DNER: variants seen among roughly 807,000 people sequenced by gnomAD.
DNER encodes delta and Notch-like epidermal growth factor-related receptor.
DNER carries 33 observed loss-of-function variants against 78.2 expected under a neutral mutation model. The observed-to-expected ratio is 0.42, with a 90% confidence interval of 0.32 to 0.56. The LOEUF (loss-of-function observed/expected upper bound fraction) is 0.56. Ranked by LOEUF, DNER falls within the 20% of genes least tolerant of loss-of-function variation. The pLI is 0.11. For missense variants in DNER, 918 were observed against 975.3 expected, an observed-to-expected ratio of 0.94 and a Z score of 0.78; for synonymous variants, 417 against 384.8, an observed-to-expected ratio of 1.08 and a Z score of -0.98.
At chr2:229,651,096 T>C (rs1698808851) in intron 1 of DNER, among the ~76,000 whole-genome samples, 1 of 152,162 alleles carries the variant, frequency 6.6e-6, no homozygotes, top group Non-Finnish European at 1.5e-5. Context: ...AGTCAAGTGA[T>C]GAGAGGACAA....
chr2:229,702,916 C>CAAAAAAA (rs775005338), intron 1 of DNER, among the ~76,000 whole-genome samples: 3 of 103,910 alleles, frequency 2.9e-5, no homozygotes, highest in Non-Finnish European at 5.5e-5. Context: ...GACTCCGCCT[C>CAAAAAAA]AAAAAAAAAA....
intron 6 of DNER, among the ~76,000 whole-genome samples, chr2:229,477,539 C>T (rs1019854376): frequency 2.4e-4 from 36 of 152,166 alleles, no homozygotes; most frequent in African/African-American, 7.0e-4. Flanking sequence ...AAATATCAGT[C>T]GGAACTTTCA....
At chr2:229,544,865 T>G (rs1182499804) in intron 5 of DNER, among the ~76,000 whole-genome samples, 2 of 152,198 alleles carry the variant, frequency 1.3e-5, no homozygotes, top group African/African-American at 2.4e-5. Flanking sequence ...GCTGCAATAT[T>G]ACAGCTAACA....
intron 1 of DNER, among the ~76,000 whole-genome samples, chr2:229,609,098 C>T (rs1468725559): frequency 6.6e-6 from 1 of 152,092 alleles, no homozygotes; most frequent in Non-Finnish European, 1.5e-5. Flanking sequence ...TGGTGAGCAC[C>T]TGTAATCTCA....
intron 1 of DNER, among the ~76,000 whole-genome samples, chr2:229,668,822 A>G (rs1350333284): frequency 2.0e-5 from 3 of 151,730 alleles, no homozygotes; most frequent in African/African-American, 7.3e-5. Context: ...CGATTCCTCA[A>G]AGATCTAGAA....
chr2:229,451,711 C>T (rs1694460271), intron 7 of DNER, among the ~76,000 whole-genome samples: 1 of 152,162 alleles, frequency 6.6e-6, no homozygotes, highest in African/African-American at 2.4e-5. Flanking sequence ...TTACACGTCT[C>T]CTACACTGCA....
chr2:229,610,112 C>T (rs1698017836), intron 1 of DNER, among the ~76,000 whole-genome samples: 2 of 152,132 alleles, frequency 1.3e-5, no homozygotes, highest in South Asian at 2.1e-4. Context: ...TGCCCTGGTA[C>T]CATTTGTTTT....
intron 1 of DNER, among the ~76,000 whole-genome samples, chr2:229,660,993 C>A (rs142553209): frequency 6.4e-4 from 97 of 152,248 alleles, no homozygotes; most frequent in African/African-American, 2.3e-3. Flanking sequence ...ATGCTGCTGG[C>A]AAACCTAATT....
intron 10 of DNER, among the ~76,000 whole-genome samples, chr2:229,399,582 G>A (rs115183703): frequency 0.042 from 6,361 of 151,902 alleles, 406 homozygotes; most frequent in African/African-American, 0.14. Context: ...AGTTATAACA[G>A]TTTTGGAAAA....
intron 5 of DNER, among the ~76,000 whole-genome samples, chr2:229,527,099 T>C (rs1292548883): frequency 6.6e-6 from 1 of 152,146 alleles, no homozygotes; most frequent in Non-Finnish European, 1.5e-5. Flanking sequence ...CTCCGAAAGC[T>C]GCATAACTGG....
At chr2:229,598,654 T>G (rs555783014) in intron 1 of DNER, among the ~76,000 whole-genome samples, 1 of 152,204 alleles carries the variant, frequency 6.6e-6, no homozygotes, top group African/African-American at 2.4e-5. Context: ...GACCAGTCTC[T>G]TTTAGAATGA....
rs372818465 is a variant in DNER at position 229,585,898 on chromosome 2, G to C, written c.807C>G (p.Leu269=). ...TPLQASGGLV[L]LEEMLALGNN... ...TCCCCAAGGCGAGCATCTCCTCCAG[G>C]AGGACCAGTCCCCCTGAAGCCTGAA... is the stretch of plus-strand genomic sequence containing the variant. Residue 269 remains leucine, a synonymous_variant, in exon 4 of 13, where the codon CTC becomes CTG. Transcript: ENST00000341772. The C allele has an allele frequency of 4.6e-5, 74 of 1,613,934 alleles. No individual in the cohort carries two copies. The highest frequency in any genetic ancestry group is 6.1e-5 in the Non-Finnish European group (72 of 1,180,008).
rs1699956472 is a variant in DNER, at chr2:229,714,211, G to C, written c.213C>G (p.Ala71=). The C allele has an allele frequency of 1.4e-6, 2 of 1,389,576 alleles. No homozygotes were observed. Among genetic ancestry groups the C allele is most frequent in the Non-Finnish European group, 1.9e-6 (2 of 1,075,048 alleles). 86.1% of individuals were successfully genotyped at this position (1,389,576 alleles called of 1,614,324 possible). The change falls in exon 1 of 13, where the codon GCC becomes GCG. Residue 71 remains alanine, a synonymous_variant. Transcript: ENST00000341772. ...AGCTGTAGCCAGGCTCGCCGGCGGG[G>C]GCCGGGTGCTGCGGGTCCGGCTCAG... is the stretch of plus-strand genomic sequence containing the variant. The part of the protein sequence containing the change: ...SRPEPDPQHP[A]PAGEPGYSCT...
At chr2:229,550,182 G>A (rs563525892) in intron 4 of DNER, among the ~76,000 whole-genome samples, 3 of 151,614 alleles carry the variant, frequency 2.0e-5, no homozygotes, top group African/African-American at 7.3e-5. Flanking sequence ...TAGTAGAGAC[G>A]GGATTTCACC....
intron 4 of DNER, among the ~76,000 whole-genome samples, chr2:229,571,350 C>T (rs765187554): frequency 2.0e-5 from 3 of 152,002 alleles, no homozygotes; most frequent in Non-Finnish European, 4.4e-5. Context: ...CTTGAAATTC[C>T]CTCTAGGATT....
intron 5 of DNER, among the ~76,000 whole-genome samples, chr2:229,517,364 C>CA (rs1308334318): frequency 6.6e-6 from 1 of 152,068 alleles, no homozygotes. Flanking sequence ...TTATAAATGG[C>CA]ATGGGGAAAA....
At chr2:229,476,502 T>C (rs1323395433) in intron 7 of DNER, among the ~76,000 whole-genome samples, 1 of 152,214 alleles carries the variant, frequency 6.6e-6, no homozygotes, top group African/African-American at 2.4e-5. Context: ...GCTTACATGC[T>C]GGTTCTAAAA....
intron 5 of DNER, among the ~76,000 whole-genome samples, chr2:229,514,777 A>T (rs753559927): frequency 3.3e-5 from 5 of 152,200 alleles, no homozygotes; most frequent in Admixed American, 6.5e-5. Flanking sequence ...GATGCCCCTC[A>T]CAACAACTGA....
intron 1 of DNER, among the ~76,000 whole-genome samples, chr2:229,664,880 A>T (rs1430363917): frequency 6.6e-6 from 1 of 152,216 alleles, no homozygotes; most frequent in Admixed American, 6.5e-5. Context: ...ATGAAAAGGA[A>T]AAAATTTGGA....
Sources: gnomAD v4.1 joint callset for allele counts (sites outside exome capture counted in the v4.1 genomes callset) on GRCh38, gnomAD v4.1.1 for gene constraint, MANE v1.5 for transcripts, NCBI Gene and HGNC (gene_info 2026-07-23, HGNC 2026-07-21) for gene names.